QTMAN: variants seen among roughly 807,000 people sequenced by gnomAD.
The protein encoded by QTMAN is queuosine-tRNA mannosyltransferase.
chr2:144,160,936 A>G, the QTMAN span, among the ~76,000 whole-genome samples: 1 of 152,150 alleles, frequency 6.6e-6, no homozygotes, highest in South Asian at 2.1e-4. Flanking sequence ...TTCCTTTGAC[A>G]ACATGTCCTT....
the QTMAN span, among the ~76,000 whole-genome samples, chr2:144,225,602 C>A: frequency 1.3e-5 from 2 of 152,180 alleles, no homozygotes; most frequent in African/African-American, 4.8e-5. Flanking sequence ...CATACACATT[C>A]CTACCTGCAA....
At chr2:144,007,588 T>G in the QTMAN span, 1 of 1,264,026 alleles carries the variant, frequency 7.9e-7, no homozygotes, top group Non-Finnish European at 1.1e-6. Context: ...ATATGTAAAA[T>G]TTGTCCTTTA....
chr2:144,202,763 G>C, the QTMAN span, among the ~76,000 whole-genome samples: 19,537 of 152,134 alleles, frequency 0.13, 1,855 homozygotes, highest in African/African-American at 0.26. Flanking sequence ...ATTTATCCTA[G>C]AGGTCTTTAA....
the QTMAN span, among the ~76,000 whole-genome samples, chr2:144,224,774 A>G: frequency 6.6e-6 from 1 of 152,208 alleles, no homozygotes; most frequent in Non-Finnish European, 1.5e-5. Context: ...CAAAACATAA[A>G]CAAATTTGCT....
the QTMAN span, chr2:144,007,033 AC>A: frequency 1.9e-6 from 1 of 539,746 alleles, no homozygotes; most frequent in East Asian, 3.0e-5. Context: ...ATTTAGTAGT[AC>A]CACCTTGGCA....
At chr2:144,237,455 A>G in the QTMAN span, 1 of 152,168 alleles carries the variant, frequency 6.6e-6, no homozygotes, top group Non-Finnish European at 1.5e-5. Flanking sequence ...TTACGATACA[A>G]GCTCTGCTTG....
the QTMAN span, among the ~76,000 whole-genome samples, chr2:143,965,063 T>C: frequency 0.01 from 1,555 of 151,808 alleles, 21 homozygotes; most frequent in African/African-American, 0.036. Flanking sequence ...TCTTCTTCTT[T>C]TTTTTTTTTT....
the QTMAN span, chr2:143,951,953 T>C: frequency 4.7e-6 from 5 of 1,053,344 alleles, no homozygotes; most frequent in Admixed American, 1.9e-5. Flanking sequence ...ATGGCATTTA[T>C]ACCATGTAAA....
the QTMAN span, among the ~76,000 whole-genome samples, chr2:144,331,753 T>G: frequency 1.1e-4 from 17 of 152,274 alleles, 1 homozygote; most frequent in African/African-American, 3.4e-4. Context: ...TGGGATTGTC[T>G]GGATCCCGAT....
the QTMAN span, among the ~76,000 whole-genome samples, chr2:144,134,194 T>G: frequency 2.3e-4 from 34 of 151,080 alleles, no homozygotes; most frequent in African/African-American, 5.9e-4. Flanking sequence ...TAAAATAGTG[T>G]TTTTTTTTAA....
At chr2:144,312,839 T>G in the QTMAN span, among the ~76,000 whole-genome samples, 1 of 152,186 alleles carries the variant, frequency 6.6e-6, no homozygotes, top group Non-Finnish European at 1.5e-5. Flanking sequence ...CCAGCCACCA[T>G]GTAAGATGTG....
the QTMAN span, among the ~76,000 whole-genome samples, chr2:144,036,277 T>C: frequency 6.6e-6 from 1 of 152,234 alleles, no homozygotes; most frequent in Non-Finnish European, 1.5e-5. Flanking sequence ...TAGGTTTATA[T>C]AATGTATAAA....
the QTMAN span, among the ~76,000 whole-genome samples, chr2:144,039,929 G>C: frequency 3.3e-5 from 5 of 152,178 alleles, no homozygotes; most frequent in Non-Finnish European, 7.3e-5. Context: ...GAAGCTATTT[G>C]TATACTTGTG....
the QTMAN span, among the ~76,000 whole-genome samples, chr2:144,125,703 T>C: frequency 6.6e-6 from 1 of 152,076 alleles, no homozygotes; most frequent in African/African-American, 2.4e-5. Flanking sequence ...CAGCATAACA[T>C]ATTTAGAAAA....
At chr2:144,007,480 T>C in the QTMAN span, 1 of 1,611,486 alleles carries the variant, frequency 6.2e-7, no homozygotes, top group Non-Finnish European at 8.5e-7. Context: ...GCACCGCCAT[T>C]TCCTTTAAGG....
the QTMAN span, among the ~76,000 whole-genome samples, chr2:144,064,302 A>T: frequency 1.3e-5 from 2 of 152,378 alleles, no homozygotes; most frequent in East Asian, 3.9e-4. Flanking sequence ...CATTACCTAC[A>T]TTCTGAGAAG....
chr2:144,228,650 T>C, the QTMAN span, among the ~76,000 whole-genome samples: 1 of 152,150 alleles, frequency 6.6e-6, no homozygotes, highest in African/African-American at 2.4e-5. Flanking sequence ...GTGGGCACCT[T>C]AGAAAGTGGC....
At chr2:144,203,304 G>A in the QTMAN span, among the ~76,000 whole-genome samples, 1 of 152,000 alleles carries the variant, frequency 6.6e-6, no homozygotes, top group Non-Finnish European at 1.5e-5. Flanking sequence ...TGGTTTGCAG[G>A]ATTATCCTAT....
the QTMAN span, among the ~76,000 whole-genome samples, chr2:143,977,565 G>A: frequency 6.6e-6 from 1 of 152,134 alleles, no homozygotes; most frequent in Non-Finnish European, 1.5e-5. Flanking sequence ...AGCCATGGTA[G>A]GCATAAAAGC....
Sources: allele counts gnomAD v4.1 joint callset (sites outside exome capture counted in the v4.1 genomes callset), GRCh38; gene constraint gnomAD v4.1.1; transcripts MANE v1.5; gene names NCBI Gene and HGNC (gene_info 2026-07-23, HGNC 2026-07-21).